PPP3CA: variants seen among roughly 807,000 people sequenced by gnomAD.
PPP3CA encodes CAM-PRP catalytic subunit.
In PPP3CA, 14 loss-of-function variants were observed where a neutral mutation model predicts 66.5. The observed-to-expected ratio is 0.21, with a 90% CI of 0.14 to 0.33. PPP3CA has a LOEUF of 0.33. Ranked by LOEUF, PPP3CA falls within the 10% of genes least tolerant of loss-of-function variation. The pLI is 1.00. For synonymous variants in PPP3CA, 232 were observed against 226.2 expected, an observed-to-expected ratio of 1.03 and a Z score of -0.23; for missense variants, 317 against 639.5, an observed-to-expected ratio of 0.50 and a Z score of 5.44.
At chr4:101,278,140 T>TAAAAAAAAAAAAAAAAAAAAAAAAAAAAA (rs1394423187) in intron 1 of PPP3CA, among the ~76,000 whole-genome samples, 4 of 118,734 alleles carry the variant, frequency 3.4e-5, no homozygotes, top group Non-Finnish European at 3.6e-5. Flanking sequence ...AAAAAAAAAA[T>TAAAAAAAAAAAAAAAAAAAAAAAAAAAAA]AAAAAAATTA....
intron 2 of PPP3CA, among the ~76,000 whole-genome samples, chr4:101,152,922 A>G (rs1252344056): frequency 6.6e-6 from 1 of 152,244 alleles, no homozygotes; most frequent in African/African-American, 2.4e-5. Context: ...TTCTGTCGAT[A>G]AAGATTTCCC....
In PPP3CA at chr4:101,080,539, A is replaced by G; in HGVS notation, c.948T>C (p.Asn316=). ...FSAPNYLDVY[N]NKAAVLKYEN... The stretch of plus-strand genomic sequence containing the variant: ...GTATTTAAAAACACTTACCTTTGTT[A>G]TTGTATACATCTAAGTAATTTGGTG... Residue 316 remains asparagine, a synonymous_variant, in exon 8 of 14, where the codon AAT becomes AAC. Coordinates refer to ENST00000394854, the MANE Select transcript of PPP3CA (RefSeq NM_000944.5). The G allele has an allele frequency of 6.8e-7, 1 of 1,460,962 alleles. No homozygotes were observed. Among genetic ancestry groups the G allele is most frequent in the Non-Finnish European group, 9.3e-7 (1 of 1,080,350 alleles). The allele number at this position is 1,460,962 out of a possible 1,614,324, so 90.5% of individuals were successfully genotyped here.
At chr4:101,209,480 G>T (rs1169456644) in intron 1 of PPP3CA, among the ~76,000 whole-genome samples, 9 of 152,208 alleles carry the variant, frequency 5.9e-5, no homozygotes, top group Non-Finnish European at 1.3e-4. Flanking sequence ...TTACCCTGGG[G>T]ATCGCCATGC....
chr4:101,246,631 T>C (rs1397418410), intron 1 of PPP3CA, among the ~76,000 whole-genome samples: 1 of 152,188 alleles, frequency 6.6e-6, no homozygotes, highest in Non-Finnish European at 1.5e-5. Flanking sequence ...CCTCCACATA[T>C]TACTCTGAGT....
At chr4:101,163,778 A>G (rs1723598184) in intron 2 of PPP3CA, among the ~76,000 whole-genome samples, 1 of 151,936 alleles carries the variant, frequency 6.6e-6, no homozygotes, top group South Asian at 2.1e-4. Context: ...AAGTAAAGCC[A>G]ATTTTACATT....
chr4:101,123,700 C>G (rs1320259442), intron 2 of PPP3CA, among the ~76,000 whole-genome samples: 1 of 152,060 alleles, frequency 6.6e-6, no homozygotes, highest in Non-Finnish European at 1.5e-5. Flanking sequence ...AAAAGATTAA[C>G]AAGGGATAGA....
chr4:101,050,842 T>C (rs931941061), intron 10 of PPP3CA, among the ~76,000 whole-genome samples: 3 of 152,182 alleles, frequency 2.0e-5, no homozygotes, highest in Non-Finnish European at 4.4e-5. Flanking sequence ...CTTGGTATTA[T>C]TAAGAAGAAA....
intron 6 of PPP3CA, among the ~76,000 whole-genome samples, chr4:101,092,841 T>C (rs1217159538): frequency 6.6e-6 from 1 of 152,242 alleles, no homozygotes; most frequent in East Asian, 1.9e-4. Flanking sequence ...CACATTTTCT[T>C]TCTCCAGTCT....
In PPP3CA at chr4:101,177,496, C is replaced by T. The variant is rs528729530; in HGVS notation, c.259+18420G>A. Among the ~76,000 whole-genome samples, 4 of 152,172 alleles carry T rather than the reference C, an allele frequency of 2.6e-5. No individual in the cohort carries two copies. The South Asian group carries it at 8.3e-4, about 32-fold the overall frequency. On this transcript the variant is annotated intron_variant, in intron 2 of 13. Coordinates refer to ENST00000394854, the MANE Select transcript of PPP3CA (RefSeq NM_000944.5). ...CACTAATACTATTATTTTCACCCTC[C>T]TTTTCCTGTTAAGCTTGGGAAAAAA...
chr4:101,239,008 C>T (rs1726215697), intron 1 of PPP3CA, among the ~76,000 whole-genome samples: 1 of 152,030 alleles, frequency 6.6e-6, no homozygotes, highest in Non-Finnish European at 1.5e-5. Context: ...AAATTAATTT[C>T]CTCCATCTAC....
rs115055852 is a variant in PPP3CA, at chr4:101,197,118, G to A, written c.59-1002C>T. Among the ~76,000 whole-genome samples, 517 of 152,296 alleles carry A rather than the reference G, an allele frequency of 3.4e-3. 5 individuals carry two copies. Among genetic ancestry groups the A allele is most frequent in the African/African-American group, 0.011 (475 of 41,558 alleles). ...AAACATCATCCCATGTATCTTTCATGTGCCGTGTGCATTATGAAACAGACA... is the reference window on the plus strand; with the variant it reads ...AAACATCATCCCATGTATCTTTCATATGCCGTGTGCATTATGAAACAGACA... On this transcript the variant is annotated intron_variant, in intron 1 of 13. Coordinates refer to ENST00000394854, the MANE Select transcript of PPP3CA (RefSeq NM_000944.5).
chr4:101,119,846 A>G (rs908398355), intron 2 of PPP3CA, among the ~76,000 whole-genome samples: 4 of 152,092 alleles, frequency 2.6e-5, no homozygotes, highest in Admixed American at 2.6e-4. Flanking sequence ...AGTAAGTGCT[A>G]TTCTTATATG....
intron 2 of PPP3CA, among the ~76,000 whole-genome samples, chr4:101,186,591 CTTCT>C (rs1391765347): frequency 6.6e-6 from 1 of 151,830 alleles, no homozygotes; most frequent in African/African-American, 2.4e-5. Flanking sequence ...TTTTCATTTT[CTTCT>C]TTCTAATTGA....
chr4:101,154,514 T>C (rs928833745), intron 2 of PPP3CA, among the ~76,000 whole-genome samples: 2 of 152,168 alleles, frequency 1.3e-5, no homozygotes, highest in African/African-American at 4.8e-5. Context: ...GCAATAAAAG[T>C]GTTCCAACAC....
At chr4:101,293,570 T>C (rs973426741) in intron 1 of PPP3CA, among the ~76,000 whole-genome samples, 5 of 152,202 alleles carry the variant, frequency 3.3e-5, no homozygotes, top group Admixed American at 6.5e-5. Flanking sequence ...TTGACGGTGG[T>C]ATCAACTTGT....
intron 8 of PPP3CA, among the ~76,000 whole-genome samples, chr4:101,072,838 A>C (rs1231325663): frequency 1.3e-5 from 2 of 151,168 alleles, no homozygotes; most frequent in African/African-American, 2.4e-5. Flanking sequence ...CCGGAGGCTG[A>C]GGCAGGAGAA....
At chr4:101,246,553 A>G (rs3804409) in intron 1 of PPP3CA, among the ~76,000 whole-genome samples, 101,705 of 152,002 alleles carry the variant, frequency 0.67, 34,951 homozygotes, top group Middle Eastern at 0.76. Flanking sequence ...TCTTAATTAG[A>G]AACAAATTAC....
intron 1 of PPP3CA, among the ~76,000 whole-genome samples, chr4:101,247,861 G>T (rs1162071179): frequency 2.0e-5 from 3 of 152,006 alleles, no homozygotes; most frequent in Non-Finnish European, 2.9e-5. Context: ...ACTTCACTAT[G>T]CACTGCCTGA....
At chr4:101,075,415 T>C (rs887036019) in intron 8 of PPP3CA, among the ~76,000 whole-genome samples, 3 of 152,218 alleles carry the variant, frequency 2.0e-5, no homozygotes, top group Non-Finnish European at 4.4e-5. Flanking sequence ...CAGTAGTGTG[T>C]ACTGGAACTA....
Sources: allele counts gnomAD v4.1 joint callset (sites outside exome capture counted in the v4.1 genomes callset), GRCh38; gene constraint gnomAD v4.1.1; transcripts MANE v1.5; gene names NCBI Gene and HGNC (gene_info 2026-07-23, HGNC 2026-07-21).